Variants in ADGRL2 observed in about 807,000 individuals in gnomAD.
The protein encoded by ADGRL2 is adhesion G protein-coupled receptor L2.
Under a neutral mutation model 157.4 loss-of-function variants are expected in ADGRL2, and 44 were observed. The ratio of observed to expected loss-of-function variants is 0.28; its 90% CI spans 0.22 to 0.36. ADGRL2 has a LOEUF of 0.36. ADGRL2 is among the 10% of genes least tolerant of loss of function. ADGRL2 has a pLI of 1.00. For synonymous variants in ADGRL2, 585 were observed against 624.7 expected (o/e 0.94, Z 0.95); for missense variants, 1,510 against 1,768.9 (o/e 0.85, Z 2.63).
intron 1 of ADGRL2, among the ~76,000 whole-genome samples, chr1:81,438,375 C>T (rs746605646): frequency 4.6e-5 from 7 of 152,136 alleles, no homozygotes; most frequent in Non-Finnish European, 1.0e-4. Flanking sequence ...GTAATAAATA[C>T]ACACATTCAT....
At chr1:81,603,261 G>A (rs1557497973) in intron 3 of ADGRL2, among the ~76,000 whole-genome samples, 1 of 151,998 alleles carries the variant, frequency 6.6e-6, no homozygotes, top group Non-Finnish European at 1.5e-5. Context: ...TGGGCCATTT[G>A]TTCTTTAACC....
intron 2 of ADGRL2, chr1:81,506,393 A>G (rs760973805): frequency 3.3e-5 from 5 of 152,166 alleles, no homozygotes; most frequent in Non-Finnish European, 7.3e-5. Flanking sequence ...TGATTTATGC[A>G]CTGTATCTCA....
At chr1:81,803,914 A>C (rs193081353) in intron 1 of ADGRL2, among the ~76,000 whole-genome samples, 1 of 152,214 alleles carries the variant, frequency 6.6e-6, no homozygotes, top group Non-Finnish European at 1.5e-5. Flanking sequence ...TCTTTGCTCA[A>C]CGAAGTTGCA....
chr1:81,947,642 T>C (rs1650315453), intron 6 of ADGRL2, among the ~76,000 whole-genome samples: 1 of 152,186 alleles, frequency 6.6e-6, no homozygotes, highest in South Asian at 2.1e-4. Context: ...CTTTTATCAT[T>C]ACCAGATGCC....
intron 2 of ADGRL2, among the ~76,000 whole-genome samples, chr1:81,785,866 G>C (rs1336407380): frequency 6.6e-6 from 1 of 152,004 alleles, no homozygotes; most frequent in Non-Finnish European, 1.5e-5. Flanking sequence ...CCAGTGATTT[G>C]GAGGCCGAGG....
chr1:81,385,543 A>G (rs1449645632), intron 1 of ADGRL2, among the ~76,000 whole-genome samples: 1 of 152,092 alleles, frequency 6.6e-6, no homozygotes, highest in Non-Finnish European at 1.5e-5. Flanking sequence ...GGTAAAGCAC[A>G]TAGAAATATT....
At chr1:81,922,182 G>A (rs191797718) in intron 3 of ADGRL2, among the ~76,000 whole-genome samples, 21 of 152,294 alleles carry the variant, frequency 1.4e-4, no homozygotes, top group Admixed American at 1.2e-3. Flanking sequence ...AAAGTGGTAA[G>A]TTATGGCCTG....
intron 2 of ADGRL2, among the ~76,000 whole-genome samples, chr1:81,530,727 C>T (rs545522884): frequency 4.9e-4 from 74 of 152,196 alleles, no homozygotes; most frequent in African/African-American, 1.4e-3. Flanking sequence ...CTAAGTGACA[C>T]GAGCAGTGTA....
chr1:81,379,664 C>T (rs1481513254), intron 1 of ADGRL2, among the ~76,000 whole-genome samples: 1 of 152,180 alleles, frequency 6.6e-6, no homozygotes, highest in Non-Finnish European at 1.5e-5. Context: ...TGCCTGCATG[C>T]TGGCGTCTGT....
At chr1:81,517,646 G>C (rs753646786) in intron 2 of ADGRL2, among the ~76,000 whole-genome samples, 1 of 152,110 alleles carries the variant, frequency 6.6e-6, no homozygotes, top group Non-Finnish European at 1.5e-5. Flanking sequence ...AAGCACCCAG[G>C]TGAGACATCC....
At chr1:81,886,061 A>G (rs530350621) in intron 2 of ADGRL2, among the ~76,000 whole-genome samples, 1 of 152,306 alleles carries the variant, frequency 6.6e-6, no homozygotes, top group Non-Finnish European at 1.5e-5. Flanking sequence ...TGGTTGTAAT[A>G]AGTGAATTTT....
chr1:81,785,523 T>C (rs772788281), intron 2 of ADGRL2, among the ~76,000 whole-genome samples: 1 of 151,724 alleles, frequency 6.6e-6, no homozygotes, highest in Non-Finnish European at 1.5e-5. Flanking sequence ...AACCCAAGAG[T>C]TCCAGACCAG....
At chr1:81,705,670 A>T (rs2149051040) in intron 1 of ADGRL2, among the ~76,000 whole-genome samples, 1 of 152,156 alleles carries the variant, frequency 6.6e-6, no homozygotes, top group African/African-American at 2.4e-5. Flanking sequence ...TAATCCCAGC[A>T]CTTTGGGAGG....
chr1:81,703,124 T>A (rs2083627268), intron 1 of ADGRL2, among the ~76,000 whole-genome samples: 1 of 152,190 alleles, frequency 6.6e-6, no homozygotes, highest in African/African-American at 2.4e-5. Flanking sequence ...CAACAAAAAC[T>A]GTTTCCTCAG....
chr1:81,758,303 T>C (rs551792716), intron 1 of ADGRL2, among the ~76,000 whole-genome samples: 3 of 152,226 alleles, frequency 2.0e-5, no homozygotes, highest in African/African-American at 7.2e-5. Context: ...ATAAGTGTTG[T>C]CTGGCGGCAC....
In ADGRL2 at chr1:81,820,747, A is replaced by C. The variant is rs200615004; in HGVS notation, c.-100-16138A>C. Among the ~76,000 whole-genome samples the C allele has an allele frequency of 6.1e-5, 9 of 146,986 alleles. No individual in the cohort carries two copies. The East Asian group carries it at 8.0e-4, about 13-fold the overall frequency. On this transcript the variant is annotated intron_variant, in intron 1 of 23. Transcript: ENST00000686636. The stretch of plus-strand genomic sequence containing the variant: ...TGACCTGTCTGTCTGAAAAAAAAAA[A>C]CAAAAAACCCCACAATATTCTGCTT...
At chr1:81,348,107 A>G (rs1662610862) in intron 1 of ADGRL2, among the ~76,000 whole-genome samples, 1 of 152,206 alleles carries the variant, frequency 6.6e-6, no homozygotes, top group African/African-American at 2.4e-5. Flanking sequence ...ACAGAGCTGA[A>G]GAAGCAGAGC....
intron 1 of ADGRL2, among the ~76,000 whole-genome samples, chr1:81,321,920 G>T (rs867358938): frequency 6.6e-6 from 1 of 151,366 alleles, no homozygotes. Flanking sequence ...GCTGCAAAGC[G>T]CAATAAAATG....
At chr1:81,899,895 G>A (rs2094457282) in intron 2 of ADGRL2, among the ~76,000 whole-genome samples, 1 of 152,166 alleles carries the variant, frequency 6.6e-6, no homozygotes, top group Middle Eastern at 3.4e-3. Context: ...CCCAAGACTA[G>A]TAGCAGCCAG....
Sources: allele counts gnomAD v4.1 joint callset (sites outside exome capture counted in the v4.1 genomes callset), GRCh38; gene constraint gnomAD v4.1.1; transcripts MANE v1.5; gene names NCBI Gene and HGNC (gene_info 2026-07-23, HGNC 2026-07-21).